The following RGS5 variants were observed in gnomAD, a reference collection of about 807,000 sequenced individuals.
RGS5 encodes regulator of G protein signaling 5, also known as regulator of G-protein signalling 5.
Under a neutral mutation model 18.9 loss-of-function variants are expected in RGS5, and 20 were observed. That is an observed-to-expected ratio of 1.06 (90% CI 0.74 to 1.54). The LOEUF (loss-of-function observed/expected upper bound fraction) is 1.54, where lower values mean the gene tolerates loss of function less well. RGS5 is among the 40% of genes most tolerant of loss of function. The probability of loss-of-function intolerance (pLI) is 0.00; values close to 1 mark genes in which losing one functional copy is unlikely to be tolerated. For synonymous variants in RGS5, 57 were observed against 76.2 expected, an observed-to-expected ratio of 0.75 and a Z score of 1.31; for missense variants, 201 against 211.8, an observed-to-expected ratio of 0.95 and a Z score of 0.32.
chr1:163,259,386 G>A (rs888072720), intron 2 of RGS5, among the ~76,000 whole-genome samples: 1 of 149,680 alleles, frequency 6.7e-6, no homozygotes, highest in Non-Finnish European at 1.5e-5. Flanking sequence ...GGATGGTCTC[G>A]ATCTCCTGAC....
intron 1 of RGS5, among the ~76,000 whole-genome samples, chr1:163,179,729 A>C (rs2102413941): frequency 6.6e-6 from 1 of 152,228 alleles, no homozygotes; most frequent in East Asian, 1.9e-4. Context: ...TTTAGTGAGA[A>C]AACCTCTAAT....
intron 1 of RGS5, among the ~76,000 whole-genome samples, chr1:163,180,484 A>G (rs1658767350): frequency 6.6e-6 from 1 of 152,116 alleles, no homozygotes; most frequent in Non-Finnish European, 1.5e-5. Context: ...CTCAAACTTC[A>G]GTGTACACCC....
intron 2 of RGS5, among the ~76,000 whole-genome samples, chr1:163,234,461 A>C (rs1647568118): frequency 6.6e-6 from 1 of 152,160 alleles, no homozygotes; most frequent in Non-Finnish European, 1.5e-5. Flanking sequence ...ATAGTGAACT[A>C]ATGCTTTTTT....
At chr1:163,204,174 A>G (rs184041913), upstream of RGS5, among the ~76,000 whole-genome samples, 329 of 152,280 alleles carry the variant, frequency 2.2e-3, no homozygotes, top group Non-Finnish European at 2.8e-3. Flanking sequence ...ATCCAAGTGC[A>G]TCGGATGTAA....
intron 1 of RGS5, chr1:163,210,886 T>A (rs1660088734): frequency 6.6e-6 from 1 of 152,248 alleles, no homozygotes; most frequent in Non-Finnish European, 1.5e-5. Flanking sequence ...TGCCTGGCTC[T>A]ACTGTATACA....
At chr1:163,267,104 A>G (rs1648590628) in intron 2 of RGS5, among the ~76,000 whole-genome samples, 1 of 152,014 alleles carries the variant, frequency 6.6e-6, no homozygotes, top group Admixed American at 6.6e-5. Flanking sequence ...TCAATGTAAC[A>G]GTGTTTGGAG....
chr1:163,318,037 C>T (rs1020843918), intron 1 of RGS5, among the ~76,000 whole-genome samples: 4 of 152,088 alleles, frequency 2.6e-5, no homozygotes, highest in East Asian at 1.9e-4. Context: ...GAAAAGTCAA[C>T]TAACTCAGAC....
At position 163,309,887 on chromosome 1, in the gene RGS5, T is replaced by G. The variant is rs561963098; in HGVS notation, c.-377-3558A>C. 2.6e-5 allele frequency among the ~76,000 whole-genome samples: 4 copies of G among 152,328 alleles called. No homozygotes were observed. The South Asian group carries it at 8.3e-4, about 32-fold the overall frequency. Reference sequence around the variant, plus strand: ...AAGACTTGAAGTTTGAAATTATTCCTTGATCCATGGGCTGCAGAACAGATG... The same window carrying G: ...AAGACTTGAAGTTTGAAATTATTCCGTGATCCATGGGCTGCAGAACAGATG... On this transcript the variant is annotated intron_variant, in intron 1 of 5. Transcript: ENST00000618415.
chr1:163,216,544 G>A (rs1459348209), intron 1 of RGS5, among the ~76,000 whole-genome samples: 1 of 152,160 alleles, frequency 6.6e-6, no homozygotes, highest in Non-Finnish European at 1.5e-5. Context: ...TAGGCGGATT[G>A]ACTTCAGCTA....
intron 2 of RGS5, among the ~76,000 whole-genome samples, chr1:163,297,081 G>A (rs114000123): frequency 0.019 from 2,957 of 152,170 alleles, 102 homozygotes; most frequent in African/African-American, 0.067. Context: ...ATCTGGGGCC[G>A]GTGTCAGATG....
chr1:163,227,189 C>T (rs1647357548), intron 2 of RGS5, among the ~76,000 whole-genome samples: 1 of 152,212 alleles, frequency 6.6e-6, no homozygotes, highest in Non-Finnish European at 1.5e-5. Context: ...TCAAAACATA[C>T]TGATGGCTTT....
intron 2 of RGS5, chr1:163,162,967 T>C (rs1657869124): frequency 6.7e-6 from 1 of 150,010 alleles, no homozygotes; most frequent in South Asian, 2.2e-4. Flanking sequence ...TTTCCTTAGC[T>C]CTTAATTTGT....
At chr1:163,289,293 T>C (rs1649219909) in intron 2 of RGS5, among the ~76,000 whole-genome samples, 1 of 151,916 alleles carries the variant, frequency 6.6e-6, no homozygotes, top group South Asian at 2.1e-4. Flanking sequence ...TATCTTTCTC[T>C]GAAATGCCCT....
upstream of RGS5, among the ~76,000 whole-genome samples, chr1:163,207,005 C>A (rs1659970900): frequency 6.6e-6 from 1 of 152,114 alleles, no homozygotes; most frequent in South Asian, 2.1e-4. Flanking sequence ...ACTAACACTA[C>A]TGAATAATTT....
intron 1 of RGS5, among the ~76,000 whole-genome samples, chr1:163,209,865 T>C (rs1324223276): frequency 1.3e-5 from 2 of 152,180 alleles, no homozygotes; most frequent in African/African-American, 4.8e-5. Context: ...ATATCTATAG[T>C]ACAATATTGA....
rs548696630 is a variant in RGS5 at position 163,153,718 on chromosome 1, A to G, written c.218-1002T>C. 5.3e-5 allele frequency among the ~76,000 whole-genome samples: 8 copies of G among 151,716 alleles called. No individual in the cohort carries two copies. The East Asian group carries it at 1.5e-3, about 29-fold the overall frequency. On this transcript the variant is annotated intron_variant, in intron 3 of 4. Coordinates refer to ENST00000313961, the MANE Select transcript of RGS5 (RefSeq NM_003617.4). ...TAGTCTTTAATTGTAAACTAAAACT[A>G]TAAGACTAAAATTATAAAACTATGT...
intron 2 of RGS5, chr1:163,238,657 G>A: frequency 3.7e-6 from 1 of 269,186 alleles, no homozygotes; most frequent in Non-Finnish European, 7.4e-6. Context: ...GGATTTGGGT[G>A]GAACTGAAAA....
intron 3 of RGS5, 75 bp downstream of exon 3, chr1:163,161,840 A>G (rs1335842919): frequency 6.4e-6 from 7 of 1,100,682 alleles, no homozygotes; most frequent in Non-Finnish European, 9.6e-6. Flanking sequence ...AGAAGAACAC[A>G]GGTAATACAA....
chr1:163,166,082 TAGTC>T (rs750190433), intron 2 of RGS5, among the ~76,000 whole-genome samples: 99 of 145,896 alleles, frequency 6.8e-4, no homozygotes, highest in South Asian at 1.2e-3. Context: ...TTTCTACAGT[TAGTC>T]AGTAAAAGTA....
Sources: gnomAD v4.1 joint callset for allele counts (sites outside exome capture counted in the v4.1 genomes callset) on GRCh38, gnomAD v4.1.1 for gene constraint, MANE v1.5 for transcripts, NCBI Gene and HGNC (gene_info 2026-07-23, HGNC 2026-07-21) for gene names.